The following PPA2 variants were observed in gnomAD, a reference collection of about 807,000 sequenced individuals.
The protein encoded by PPA2 is inorganic pyrophosphatase 2, mitochondrial.
PPA2 carries 48 observed loss-of-function variants against 49.5 expected under a neutral mutation model. The ratio of observed to expected loss-of-function variants is 0.97; its 90% confidence interval spans 0.77 to 1.23. PPA2 has a LOEUF of 1.23. Among genes scored for constraint, PPA2 ranks in the 50% most tolerant of loss-of-function variants. PPA2 has a pLI of 0.00. For synonymous variants in PPA2, 131 were observed against 139.9 expected (o/e 0.94, Z 0.45); for missense variants, 429 against 410.1 (o/e 1.05, Z -0.40).
chr4:105,440,157 T>C (rs908122128), intron 5 of PPA2, among the ~76,000 whole-genome samples: 2 of 152,128 alleles, frequency 1.3e-5, no homozygotes, highest in African/African-American at 2.4e-5. Context: ...AGAAGTCCCA[T>C]TGGCCTAAAG....
At chr4:105,420,408 G>T (rs181533311) in intron 7 of PPA2, among the ~76,000 whole-genome samples, 69 of 152,166 alleles carry the variant, frequency 4.5e-4, no homozygotes, top group African/African-American at 1.6e-3. Flanking sequence ...GCCGGCCAAG[G>T]ATTTACTTTT....
chr4:105,466,638 G>C (rs1268253112), intron 1 of PPA2, among the ~76,000 whole-genome samples: 1 of 152,140 alleles, frequency 6.6e-6, no homozygotes, highest in African/African-American at 2.4e-5. Flanking sequence ...CTTTAGAGCA[G>C]GAACAAAGGG....
intron 6 of PPA2, among the ~76,000 whole-genome samples, chr4:105,437,072 C>G (rs917024799): frequency 6.6e-6 from 1 of 152,014 alleles, no homozygotes; most frequent in Non-Finnish European, 1.5e-5. Context: ...ATGCCTCCAA[C>G]AAAGGACTAA....
intron 9 of PPA2, among the ~76,000 whole-genome samples, chr4:105,393,163 G>A (rs75071254): frequency 0.033 from 5,051 of 152,128 alleles, 256 homozygotes; most frequent in African/African-American, 0.11. Context: ...ATCTTGGACG[G>A]CCTTGTTTGT....
chr4:105,384,820 C>T (rs1217290135), intron 10 of PPA2, among the ~76,000 whole-genome samples: 1 of 152,176 alleles, frequency 6.6e-6, no homozygotes, highest in African/African-American at 2.4e-5. Context: ...TAGACCACTC[C>T]TTTGCTGAAA....
intron 7 of PPA2, among the ~76,000 whole-genome samples, chr4:105,410,117 G>A (rs533191681): frequency 3.1e-4 from 47 of 152,300 alleles, no homozygotes; most frequent in African/African-American, 1.1e-3. Context: ...AAACTTCTCC[G>A]AGCTTAAGGA....
chr4:105,407,734 C>T (rs1453103583), intron 7 of PPA2, among the ~76,000 whole-genome samples: 3 of 152,076 alleles, frequency 2.0e-5, no homozygotes, highest in Non-Finnish European at 4.4e-5. Flanking sequence ...AGTCATATAC[C>T]CAGCCATGTG....
At chr4:105,392,459 G>C (rs990664590) in intron 9 of PPA2, among the ~76,000 whole-genome samples, 1 of 151,914 alleles carries the variant, frequency 6.6e-6, no homozygotes, top group Non-Finnish European at 1.5e-5. Flanking sequence ...GATCACCTGC[G>C]GTCAGGAGTT....
At chr4:105,396,572 C>T (rs1290459370) in intron 8 of PPA2, among the ~76,000 whole-genome samples, 2 of 152,126 alleles carry the variant, frequency 1.3e-5, no homozygotes, top group African/African-American at 2.4e-5. Flanking sequence ...TAGGGATAAT[C>T]TATATCAGGG....
intron 5 of PPA2, among the ~76,000 whole-genome samples, chr4:105,439,878 T>C (rs1361933681): frequency 6.3e-5 from 7 of 111,956 alleles, no homozygotes; most frequent in Admixed American, 4.7e-4. Flanking sequence ...GATGCTCCCC[T>C]TCCTGTGTGC....
chr4:105,370,730 A>G, intron 11 of PPA2, 107 bp downstream of exon 11: 1 of 1,232,402 alleles, frequency 8.1e-7, no homozygotes, highest in Non-Finnish European at 1.0e-6. Flanking sequence ...TAGCTTATAC[A>G]GCTTTTCAAT....
chr4:105,383,579 A>G (rs1177659611), intron 10 of PPA2, among the ~76,000 whole-genome samples: 1 of 152,212 alleles, frequency 6.6e-6, no homozygotes, highest in Non-Finnish European at 1.5e-5. Context: ...CTATTTTAAA[A>G]GTACAAAGCA....
chr4:105,402,596 C>A (rs370155548), intron 7 of PPA2, among the ~76,000 whole-genome samples: 1 of 152,176 alleles, frequency 6.6e-6, no homozygotes, highest in Admixed American at 6.5e-5. Flanking sequence ...TTAGGAGATA[C>A]GATTAGAGAA....
In PPA2 at chr4:105,386,560, C is replaced by A. The variant is rs1164096777; in HGVS notation, c.939+7G>T. The A allele has an allele frequency of 6.2e-7, 1 of 1,606,560 alleles. No individual in the cohort carries two copies. The highest frequency in any genetic ancestry group is 8.5e-7 in the Non-Finnish European group (1 of 1,173,688). ...ATTAAAGGATGTCTTGGATGTTTGC[C>A]CCTTACCGATTCAACTAATGATCTT... On this transcript the variant is annotated splice_region_variant and intron_variant, in intron 10 of 11. Transcript: ENST00000341695.
At chr4:105,468,128 T>G (rs1022167386) in intron 1 of PPA2, among the ~76,000 whole-genome samples, 3 of 152,364 alleles carry the variant, frequency 2.0e-5, no homozygotes, top group African/African-American at 7.2e-5. Flanking sequence ...ACAGTCATAC[T>G]TTTACTGTCC....
At chr4:105,455,499 G>A (rs564552607) in intron 2 of PPA2, among the ~76,000 whole-genome samples, 57 of 152,256 alleles carry the variant, frequency 3.7e-4, no homozygotes, top group Non-Finnish European at 6.5e-4. Flanking sequence ...CAAAACACAC[G>A]AGATTTGTGA....
intron 10 of PPA2, among the ~76,000 whole-genome samples, chr4:105,383,265 C>T (rs1733561802): frequency 1.3e-5 from 2 of 152,196 alleles, no homozygotes; most frequent in African/African-American, 2.4e-5. Context: ...GAAATCTTTG[C>T]AGATCTTTCA....
intron 5 of PPA2, 45 bp from the exon 6 acceptor site, chr4:105,438,081 T>A: frequency 7.9e-7 from 1 of 1,268,260 alleles, no homozygotes; most frequent in Non-Finnish European, 1.1e-6. Context: ...AAGTTAATAC[T>A]ATAATGTACT....
chr4:105,379,665 G>A (rs62328810), intron 10 of PPA2, among the ~76,000 whole-genome samples: 3,642 of 137,290 alleles, frequency 0.027, 57 homozygotes, highest in Non-Finnish European at 0.04. Flanking sequence ...ACAGAGTCTC[G>A]TTCTGTCACC....
Sources: gnomAD v4.1 joint callset for allele counts (sites outside exome capture counted in the v4.1 genomes callset) on GRCh38, gnomAD v4.1.1 for gene constraint, MANE v1.5 for transcripts, NCBI Gene and HGNC (gene_info 2026-07-23, HGNC 2026-07-21) for gene names.